The following PICALM variants were observed in gnomAD, a reference collection of about 807,000 sequenced individuals.
PICALM encodes phosphatidylinositol binding clathrin assembly protein, also known as phosphatidylinositol-binding clathrin assembly protein.
Under a neutral mutation model 80.5 loss-of-function variants are expected in PICALM, and 40 were observed. The ratio of observed to expected loss-of-function variants is 0.50; its 90% confidence interval spans 0.39 to 0.65. The LOEUF is 0.65. Ranked by LOEUF, PICALM falls within the 30% of genes least tolerant of loss-of-function variation. The pLI is 0.00. For synonymous variants in PICALM, 288 were observed against 260.3 expected (o/e 1.11, Z -1.02); for missense variants, 676 against 778.9 (o/e 0.87, Z 1.57).
intron 1 of PICALM, among the ~76,000 whole-genome samples, chr11:86,048,454 T>A (rs1455838790): frequency 6.6e-6 from 1 of 152,174 alleles, no homozygotes; most frequent in African/African-American, 2.4e-5. Context: ...TTATATTAAA[T>A]TGATAGCCAA....
intron 1 of PICALM, among the ~76,000 whole-genome samples, chr11:86,035,914 C>T (rs2095834011): frequency 6.8e-6 from 1 of 146,130 alleles, no homozygotes; most frequent in African/African-American, 2.6e-5. Flanking sequence ...TGCCACTGCA[C>T]TCCAGCCTGG....
chr11:86,009,153 C>T (rs536050670), intron 7 of PICALM, among the ~76,000 whole-genome samples: 32 of 150,416 alleles, frequency 2.1e-4, no homozygotes, highest in Admixed American at 9.3e-4. Flanking sequence ...ATTAGCTGGG[C>T]GTGGTGGCGG....
chr11:86,023,937 A>G (rs1417700949), intron 3 of PICALM, among the ~76,000 whole-genome samples: 1 of 152,152 alleles, frequency 6.6e-6, no homozygotes, highest in Non-Finnish European at 1.5e-5. Context: ...CAACCTGGTC[A>G]ACAGAGCAAG....
intron 1 of PICALM, among the ~76,000 whole-genome samples, chr11:86,053,986 C>G (rs1246066718): frequency 6.6e-6 from 1 of 152,312 alleles, no homozygotes; most frequent in African/African-American, 2.4e-5. Context: ...AAGATTCTTA[C>G]TGACTTCAAA....
Position 85,958,790 on chromosome 11 carries a change from G to C in PICALM, c.*256C>G. On this transcript the variant is annotated 3_prime_UTR_variant, in exon 20 of 20. Transcript: ENST00000393346. ...GGTATTAACAGGAGTTGAAAGAATTGAAGGGTTAGTCACCAAAAAGACAGA... is the reference window on the plus strand; with the variant it reads ...GGTATTAACAGGAGTTGAAAGAATTCAAGGGTTAGTCACCAAAAAGACAGA... 2.6e-6 allele frequency: 1 copy of C among 388,128 alleles called. No homozygotes were observed. Among genetic ancestry groups the C allele is most frequent in the Non-Finnish European group, 4.7e-6 (1 of 215,014 alleles). 24.0% of individuals were successfully genotyped at this position (388,128 alleles called of 1,614,324 possible).
intron 1 of PICALM, among the ~76,000 whole-genome samples, chr11:86,037,887 C>T (rs2095871010): frequency 6.6e-6 from 1 of 152,194 alleles, no homozygotes; most frequent in South Asian, 2.1e-4. Context: ...CAGTACCTCT[C>T]ATGTCACATA....
intron 1 of PICALM, among the ~76,000 whole-genome samples, chr11:86,033,316 A>G (rs1043904525): frequency 6.6e-6 from 1 of 152,200 alleles, no homozygotes; most frequent in Non-Finnish European, 1.5e-5. Context: ...TATAAAACAT[A>G]TGTGTATGTA....
chr11:86,039,261 G>A (rs2095903313), intron 1 of PICALM, among the ~76,000 whole-genome samples: 1 of 152,140 alleles, frequency 6.6e-6, no homozygotes, highest in African/African-American at 2.4e-5. Flanking sequence ...GGAACATGGT[G>A]ACATGCACCT....
chr11:86,067,020 C>G (rs2096457115), intron 1 of PICALM, among the ~76,000 whole-genome samples: 2 of 152,246 alleles, frequency 1.3e-5, no homozygotes, highest in South Asian at 4.1e-4. Flanking sequence ...AGCCTGCATG[C>G]ATATCTGAAA....
intron 1 of PICALM, among the ~76,000 whole-genome samples, chr11:86,041,235 G>C (rs2095959578): frequency 6.6e-6 from 1 of 152,176 alleles, no homozygotes; most frequent in Non-Finnish European, 1.5e-5. Flanking sequence ...TAAATGAAAT[G>C]TAACTTAGAA....
rs147715911 is a variant in PICALM at position 85,961,636 on chromosome 11, C to T, written c.1945-2576G>A. Among the ~76,000 whole-genome samples, 33 of 152,278 alleles carry T rather than the reference C, an allele frequency of 2.2e-4. 2 individuals are homozygous for T. The East Asian group carries it at 6.4e-3, about 29-fold the overall frequency. On this transcript the variant is annotated intron_variant, in intron 19 of 19. Transcript: ENST00000393346. ...ATGAGCGTTTCAAACCCGACATGAA[C>T]CTTTTTACTTTGGAACAAGCTTTTA...
chr11:85,957,902 ATTC>A lies in PICALM; in HGVS notation c.*1141_*1143del, dbSNP rs1346704896. 3 of 224,116 alleles carry A rather than the reference ATTC, an allele frequency of 1.3e-5. No individual in the cohort carries two copies. Among genetic ancestry groups the A allele is most frequent in the Non-Finnish European group, 2.7e-5 (3 of 112,176 alleles). 13.9% of individuals were successfully genotyped at this position (224,116 alleles called of 1,614,324 possible). ...AAGCACCGATCAACAGTGCAGTTTA[ATTC>A]TTCGTTTACTAAACTCTTGGCTAGA... On this transcript the variant is annotated 3_prime_UTR_variant, in exon 20 of 20. Coordinates refer to ENST00000393346, the MANE Select transcript of PICALM (RefSeq NM_007166.4).
rs552976646 is a variant in PICALM at position 85,996,651 on chromosome 11, AAATT to A, written c.1258+171_1258+174del. Among the ~76,000 whole-genome samples, 97 of 152,328 alleles carry A rather than the reference AAATT, an allele frequency of 6.4e-4. No homozygotes were observed. In the South Asian group the frequency reaches 0.019, roughly 30 times the overall value. ...ATAATTTAATTGAACATAAATTCCT[AAATT>A]ATTTATAATAAATGAACATACCTTC... On this transcript the variant is annotated intron_variant, in intron 12 of 19. Transcript: ENST00000393346.
At chr11:86,042,584 T>C (rs2095993057) in intron 1 of PICALM, among the ~76,000 whole-genome samples, 1 of 149,994 alleles carries the variant, frequency 6.7e-6, no homozygotes, top group Non-Finnish European at 1.5e-5. Context: ...ATGCCAAAAT[T>C]ACAAACACTT....
chr11:86,034,104 G>A (rs549612758), intron 1 of PICALM, among the ~76,000 whole-genome samples: 1 of 152,178 alleles, frequency 6.6e-6, no homozygotes, highest in Admixed American at 6.5e-5. Flanking sequence ...AACTCCAGAA[G>A]CTAAAAAAAA....
chr11:86,051,671 G>GA (rs1215371291), intron 1 of PICALM, among the ~76,000 whole-genome samples: 1 of 151,682 alleles, frequency 6.6e-6, no homozygotes, highest in Non-Finnish European at 1.5e-5. Context: ...AAAAAGAAAA[G>GA]AAAAAAAGTA....
chr11:86,017,746 G>A (rs1004423526), intron 4 of PICALM, among the ~76,000 whole-genome samples: 1 of 152,194 alleles, frequency 6.6e-6, no homozygotes, highest in African/African-American at 2.4e-5. Context: ...ATAGTTAACA[G>A]TTTGTGTGCC....
chr11:86,007,897 A>G (rs1482651824), intron 7 of PICALM, among the ~76,000 whole-genome samples: 1 of 151,968 alleles, frequency 6.6e-6, no homozygotes, highest in Non-Finnish European at 1.5e-5. Flanking sequence ...TATGTGTAAT[A>G]TGATAAAAAC....
Position 86,068,973 on chromosome 11 carries a change from G to T in PICALM, c.-193C>A. On this transcript the variant is annotated 5_prime_UTR_variant, in exon 1 of 20. Transcript: ENST00000393346. ...AGAACCGGCTCGTGTCACCCGCGGA[G>T]TCGGACAAGATGTCGGGCACTCCCT... The T allele has an allele frequency of 1.5e-6, 1 of 668,926 alleles. No homozygotes were observed. Among genetic ancestry groups the T allele is most frequent in the Non-Finnish European group, 2.4e-6 (1 of 411,702 alleles). 41.4% of individuals were successfully genotyped at this position (668,926 alleles called of 1,614,324 possible). A position where few individuals can be genotyped will look rare whatever the true frequency, so the allele number is the denominator to read the frequency against.
Sources: gnomAD v4.1 joint callset for allele counts (sites outside exome capture counted in the v4.1 genomes callset) on GRCh38, gnomAD v4.1.1 for gene constraint, MANE v1.5 for transcripts, NCBI Gene and HGNC (gene_info 2026-07-23, HGNC 2026-07-21) for gene names.